ME3: variants seen among roughly 807,000 people sequenced by gnomAD.
ME3 encodes NADP-dependent malic enzyme, mitochondrial.
Under a neutral mutation model 68.9 loss-of-function variants are expected in ME3, and 48 were observed. The ratio of observed to expected loss-of-function variants is 0.70; its 90% confidence interval spans 0.55 to 0.89. ME3 has a LOEUF of 0.89. Ranked by LOEUF, ME3 falls within the 40% of genes least tolerant of loss-of-function variation. The pLI is 0.00. For missense variants in ME3, 675 were observed against 797.4 expected (o/e 0.85, Z 1.85); for synonymous variants, 320 against 318.8 (o/e 1.00, Z -0.04).
chr11:86,437,973 C>G (rs1948906804), downstream of ME3, among the ~76,000 whole-genome samples: 1 of 152,142 alleles, frequency 6.6e-6, no homozygotes, highest in African/African-American at 2.4e-5. Context: ...ACACCTTTAG[C>G]TTCTCTTTCT....
intron 7 of ME3, among the ~76,000 whole-genome samples, chr11:86,476,349 A>G (rs1457267468): frequency 6.6e-6 from 1 of 152,188 alleles, no homozygotes; most frequent in Non-Finnish European, 1.5e-5. Flanking sequence ...CGGCAGGAAC[A>G]GGGGTGGGAG....
intron 14 of ME3, among the ~76,000 whole-genome samples, chr11:86,441,918 C>A (rs1472547635): frequency 6.6e-6 from 1 of 152,146 alleles, no homozygotes; most frequent in Admixed American, 6.5e-5. Flanking sequence ...GAATGTGAAT[C>A]TAAATATCGC....
intron 2 of ME3, among the ~76,000 whole-genome samples, chr11:86,613,797 C>T (rs1942764349): frequency 6.6e-6 from 1 of 152,054 alleles, no homozygotes; most frequent in South Asian, 2.1e-4. Flanking sequence ...AACTACAAAC[C>T]ACTGCTCAAG....
At chr11:86,587,198 G>A (rs1201065604) in intron 2 of ME3, among the ~76,000 whole-genome samples, 3 of 152,212 alleles carry the variant, frequency 2.0e-5, no homozygotes, top group Admixed American at 6.5e-5. Flanking sequence ...GCACAAAGAT[G>A]CGGAGGCCCA....
At position 86,589,382 on chromosome 11, in the gene ME3, T is replaced by TATGAATGAATGAATGAATGATGA. The variant is rs1554992472; in HGVS notation, c.184-29582_184-29560dup. On this transcript the variant is annotated intron_variant, in intron 2 of 14. Transcript: ENST00000543262. Reference sequence around the variant, plus strand: ...GAGGGAGAAAGAAAGAGAGAGAATATATGAATGAATGAATGAATGATGAAT... The same window carrying TATGAATGAATGAATGAATGATGA: ...GAGGGAGAAAGAAAGAGAGAGAATATATGAATGAATGAATGAATGATGAATGAATGAATGAATGAATGATGAAT... Among the ~76,000 whole-genome samples the TATGAATGAATGAATGAATGATGA allele has an allele frequency of 3.4e-5, 5 of 147,594 alleles. No individual in the cohort carries two copies. The East Asian group carries it at 5.8e-4, about 17-fold the overall frequency.
intron 2 of ME3, among the ~76,000 whole-genome samples, chr11:86,666,576 A>C (rs1405561812): frequency 1.3e-5 from 2 of 152,240 alleles, no homozygotes; most frequent in Non-Finnish European, 2.9e-5. Context: ...ACAGTATTCA[A>C]CAGAGAAAAG....
At chr11:86,462,781 A>G (rs1398068940) in intron 8 of ME3, 1 of 450,576 alleles carries the variant, frequency 2.2e-6, no homozygotes, top group African/African-American at 2.0e-5. Context: ...CAATGAAGTA[A>G]GAGAACTGAC....
At chr11:86,636,255 TTTTC>T (rs758566716) in intron 2 of ME3, among the ~76,000 whole-genome samples, 1 of 116,406 alleles carries the variant, frequency 8.6e-6, no homozygotes, top group Admixed American at 9.3e-5. Flanking sequence ...TGAACCCAGT[TTTTC>T]TTTCTTTTTT....
At chr11:86,646,914 A>G (rs978438838) in intron 2 of ME3, among the ~76,000 whole-genome samples, 1 of 152,218 alleles carries the variant, frequency 6.6e-6, no homozygotes, top group Non-Finnish European at 1.5e-5. Context: ...TCTTGGAGAA[A>G]ATAATTTTCA....
chr11:86,464,025 T>G (rs2138725136), intron 8 of ME3: 1 of 405,032 alleles, frequency 2.5e-6, no homozygotes, highest in East Asian at 7.4e-5. Context: ...GTTCAGCGAT[T>G]AACCTTAGCT....
intron 4 of ME3, among the ~76,000 whole-genome samples, chr11:86,545,268 A>C (rs951512413): frequency 3.9e-5 from 6 of 152,236 alleles, no homozygotes; most frequent in Admixed American, 2.0e-4. Context: ...CAAGACAAGG[A>C]TGCCCTCTTT....
intron 2 of ME3, among the ~76,000 whole-genome samples, chr11:86,669,374 A>C (rs949008360): frequency 6.6e-6 from 1 of 152,216 alleles, no homozygotes; most frequent in African/African-American, 2.4e-5. Flanking sequence ...TCTGGTTCTT[A>C]CACGGCTGTG....
At chr11:86,531,989 AAC>A (rs777305265) in intron 4 of ME3, among the ~76,000 whole-genome samples, 2 of 148,840 alleles carry the variant, frequency 1.3e-5, no homozygotes, top group African/African-American at 5.0e-5. Context: ...AAAAAAACCA[AAC>A]CAAAAAAAAA....
At chr11:86,633,010 G>A (rs1339819571) in intron 2 of ME3, among the ~76,000 whole-genome samples, 1 of 152,200 alleles carries the variant, frequency 6.6e-6, no homozygotes, top group Non-Finnish European at 1.5e-5. Flanking sequence ...TGTGCCCAGG[G>A]ACACAGAGTC....
intron 7 of ME3, among the ~76,000 whole-genome samples, chr11:86,466,719 C>G (rs1292499421): frequency 6.6e-6 from 1 of 152,242 alleles, no homozygotes; most frequent in African/African-American, 2.4e-5. Flanking sequence ...TGCCGTGGTC[C>G]TTCCAGAACC....
intron 4 of ME3, among the ~76,000 whole-genome samples, chr11:86,551,425 G>A (rs978862706): frequency 3.9e-5 from 6 of 152,162 alleles, no homozygotes; most frequent in Non-Finnish European, 5.9e-5. Flanking sequence ...GCACCCATGT[G>A]TGTGCCCCTC....
At chr11:86,506,631 G>T (rs638041) in intron 5 of ME3, among the ~76,000 whole-genome samples, 1 of 152,122 alleles carries the variant, frequency 6.6e-6, no homozygotes, top group East Asian at 1.9e-4. Flanking sequence ...AGCACCGAAA[G>T]TATTAGTGGA....
At chr11:86,575,725 CTATT>C (rs1412121940) in intron 2 of ME3, among the ~76,000 whole-genome samples, 1 of 152,216 alleles carries the variant, frequency 6.6e-6, no homozygotes. Context: ...TTGCAACTAT[CTATT>C]TGTGAGTCTG....
chr11:86,464,676 G>T (rs1372317634), intron 8 of ME3, among the ~76,000 whole-genome samples: 1 of 152,164 alleles, frequency 6.6e-6, no homozygotes, highest in African/African-American at 2.4e-5. Flanking sequence ...AGTTTTATGG[G>T]TTAGTACTTT....
Sources: allele counts gnomAD v4.1 joint callset (sites outside exome capture counted in the v4.1 genomes callset), GRCh38; gene constraint gnomAD v4.1.1; transcripts MANE v1.5; gene names NCBI Gene and HGNC (gene_info 2026-07-23, HGNC 2026-07-21).